ULK2: variants seen among roughly 807,000 people sequenced by gnomAD.
ULK2 encodes serine/threonine-protein kinase ULK2.
In ULK2, 76 loss-of-function variants were observed where a neutral mutation model predicts 127.5. The observed-to-expected ratio is 0.60, with a 90% CI of 0.50 to 0.72. The LOEUF (loss-of-function observed/expected upper bound fraction) is 0.72, where lower values mean the gene tolerates loss of function less well. Ranked by LOEUF, ULK2 falls within the 30% of genes least tolerant of loss-of-function variation. The probability of loss-of-function intolerance (pLI) is 0.00; values close to 1 mark genes in which losing one functional copy is unlikely to be tolerated. For missense variants in ULK2, 1,144 were observed against 1,295.9 expected, an observed-to-expected ratio of 0.88 and a Z score of 1.80; for synonymous variants, 452 against 461.9, an observed-to-expected ratio of 0.98 and a Z score of 0.28.
intron 3 of ULK2, among the ~76,000 whole-genome samples, chr17:19,858,646 A>C (rs906878136): frequency 6.6e-6 from 1 of 152,142 alleles, no homozygotes; most frequent in African/African-American, 2.4e-5. Context: ...ATACAGCAAA[A>C]AGATGACTGA....
rs903384543 is a variant in ULK2 at position 19,776,225 on chromosome 17, G to A, written c.*124C>T. 9.2e-6 allele frequency: 7 copies of A among 764,366 alleles called. No individual in the cohort carries two copies. The highest frequency in any genetic ancestry group is 1.4e-5 in the Non-Finnish European group (7 of 509,912). The allele number at this position is 764,366 out of a possible 1,614,324, so 47.3% of individuals were successfully genotyped here. On this transcript the variant is annotated 3_prime_UTR_variant, in exon 27 of 27. Coordinates refer to ENST00000395544, the MANE Select transcript of ULK2 (RefSeq NM_014683.4). ...TTTTTCCTTTTTCAAATCACTGCTT[G>A]TTCTTTGGTAGTCACCAGTTAAGAA...
At chr17:19,841,042 T>C (rs2041739484) in intron 9 of ULK2, among the ~76,000 whole-genome samples, 1 of 151,694 alleles carries the variant, frequency 6.6e-6, no homozygotes, top group Admixed American at 6.6e-5. Flanking sequence ...AATACATACA[T>C]AAACAAGCAC....
At chr17:19,780,931 G>C (rs2086904688) in intron 24 of ULK2, 55 bp downstream of exon 24, 1 of 1,501,504 alleles carries the variant, frequency 6.7e-7, no homozygotes, top group African/African-American at 1.4e-5. Context: ...CAGTGTGATG[G>C]GAAAGAGCAA....
At chr17:19,850,757 G>A (rs192349144) in intron 3 of ULK2, among the ~76,000 whole-genome samples, 21 of 151,704 alleles carry the variant, frequency 1.4e-4, no homozygotes, top group East Asian at 7.9e-4. Flanking sequence ...CCTGGGAGGC[G>A]GAGCTTGCAG....
At chr17:19,858,496 T>C (rs901663660) in intron 3 of ULK2, among the ~76,000 whole-genome samples, 1 of 152,220 alleles carries the variant, frequency 6.6e-6, no homozygotes, top group Non-Finnish European at 1.5e-5. Context: ...ATTTCTACTT[T>C]GTTCACCACT....
chr17:19,858,861 T>C (rs1468081492), intron 3 of ULK2, among the ~76,000 whole-genome samples: 2 of 152,006 alleles, frequency 1.3e-5, no homozygotes, highest in Non-Finnish European at 2.9e-5. Context: ...TCCCAGCTAC[T>C]TGGGAGGCTG....
chr17:19,863,145 G>A (rs143948814), intron 3 of ULK2, among the ~76,000 whole-genome samples: 40 of 152,056 alleles, frequency 2.6e-4, no homozygotes, highest in African/African-American at 9.4e-4. Flanking sequence ...ACCCGGGGGG[G>A]CAGAGGTTGC....
intron 12 of ULK2, among the ~76,000 whole-genome samples, chr17:19,818,312 G>A (rs1312079645): frequency 1.4e-5 from 2 of 143,376 alleles, no homozygotes; most frequent in Non-Finnish European, 3.0e-5. Flanking sequence ...GACAGAGTGA[G>A]ACTCCGTCTC....
chr17:19,819,362 G>A (rs1156952421), intron 12 of ULK2, among the ~76,000 whole-genome samples: 1 of 152,030 alleles, frequency 6.6e-6, no homozygotes, highest in Non-Finnish European at 1.5e-5. Context: ...CCTACTTCTT[G>A]GGGACTCCTT....
At chr17:19,825,384 AAC>A (rs2041262481) in intron 11 of ULK2, among the ~76,000 whole-genome samples, 1 of 152,214 alleles carries the variant, frequency 6.6e-6, no homozygotes, top group Non-Finnish European at 1.5e-5. Context: ...GGAAAAATAG[AAC>A]AGTTATTAAA....
intron 21 of ULK2, 133 bp from the exon 22 acceptor site, chr17:19,784,038 A>G (rs982175634): frequency 4.8e-6 from 3 of 620,686 alleles, no homozygotes; most frequent in Non-Finnish European, 7.1e-6. Context: ...CTGACCCCCT[A>G]TGTACTATTT....
intron 3 of ULK2, among the ~76,000 whole-genome samples, chr17:19,852,633 A>T (rs1010243328): frequency 7.0e-5 from 10 of 143,414 alleles, no homozygotes; most frequent in Middle Eastern, 3.4e-3. Flanking sequence ...AATAAAGTAA[A>T]TTTTTTTTTT....
rs117513963 is a variant in ULK2 at position 19,835,898 on chromosome 17, G to A, written c.787+2603C>T. Among the ~76,000 whole-genome samples, 117 of 151,980 alleles carry A rather than the reference G, an allele frequency of 7.7e-4. 5 individuals carry two copies. The East Asian group carries it at 0.021, about 28-fold the overall frequency. On this transcript the variant is annotated intron_variant, in intron 10 of 26. Coordinates refer to ENST00000395544, the MANE Select transcript of ULK2 (RefSeq NM_014683.4). ...GCACTCTGGGAGGCTAAGGCAGGAA[G>A]ATTTCTTGAAGCCAGGAATTCGAGA...
rs191029003 is a variant in ULK2, at chr17:19,782,315, G to T, written c.2461-248C>A. Among the ~76,000 whole-genome samples the T allele has an allele frequency of 2.5e-3, 378 of 152,238 alleles. 1 individual carries two copies. Among genetic ancestry groups the T allele is most frequent in the Non-Finnish European group, 4.1e-3 (282 of 68,026 alleles). ...ACCCACATAAGTAAACTCAGGATGG[G>T]TCGCTGTGCTTTTACCAGAAAAAGA... is the stretch of plus-strand genomic sequence containing the variant. On this transcript the variant is annotated intron_variant, in intron 22 of 26. Coordinates refer to ENST00000395544, the MANE Select transcript of ULK2 (RefSeq NM_014683.4).
intron 20 of ULK2, among the ~76,000 whole-genome samples, chr17:19,793,241 TG>T (rs1567680512): frequency 6.6e-6 from 1 of 152,108 alleles, no homozygotes; most frequent in South Asian, 2.1e-4. Flanking sequence ...GAGAACATCA[TG>T]GGGGAAACTG....
intron 14 of ULK2, among the ~76,000 whole-genome samples, chr17:19,808,453 A>G (rs2087559424): frequency 6.6e-6 from 1 of 152,220 alleles, no homozygotes; most frequent in African/African-American, 2.4e-5. Context: ...AACTTAAAAA[A>G]TGTTCATGTA....
intron 11 of ULK2, among the ~76,000 whole-genome samples, chr17:19,825,388 G>A (rs550946996): frequency 6.6e-6 from 1 of 152,276 alleles, no homozygotes; most frequent in East Asian, 1.9e-4. Flanking sequence ...AAATAGAACA[G>A]TTATTAAATA....
intron 26 of ULK2, among the ~76,000 whole-genome samples, chr17:19,777,039 A>G (rs1461189354): frequency 6.6e-6 from 1 of 152,166 alleles, no homozygotes; most frequent in African/African-American, 2.4e-5. Flanking sequence ...CTAGTTATGC[A>G]TCTATTTATC....
rs757083038 is a variant in ULK2, at chr17:19,845,425, T to A, written c.470-48A>T. On this transcript the variant is annotated intron_variant, in intron 6 of 26. Coordinates refer to ENST00000395544, the MANE Select transcript of ULK2 (RefSeq NM_014683.4). ...GAAAAGCAAATTACGTCTTCGCTCA[T>A]ACCTAACATATATCATATGATTCTT... The A allele has an allele frequency of 5.2e-6, 7 of 1,343,252 alleles. No individual in the cohort carries two copies. The East Asian group carries it at 1.6e-4, about 31-fold the overall frequency. 83.2% of individuals were successfully genotyped at this position (1,343,252 alleles called of 1,614,324 possible).
Sources: gnomAD v4.1 joint callset for allele counts (sites outside exome capture counted in the v4.1 genomes callset) on GRCh38, gnomAD v4.1.1 for gene constraint, MANE v1.5 for transcripts, NCBI Gene and HGNC (gene_info 2026-07-23, HGNC 2026-07-21) for gene names.